The following MTAP variants were observed in gnomAD, a reference collection of about 807,000 sequenced individuals.
The protein encoded by MTAP is methylthioadenosine phosphorylase, also known as S-methyl-5'-thioadenosine phosphorylase.
Under a neutral mutation model 33.6 loss-of-function variants are expected in MTAP, and 33 were observed. The ratio of observed to expected loss-of-function variants is 0.98; its 90% CI spans 0.74 to 1.31. MTAP has a LOEUF of 1.31. Among genes scored for constraint, MTAP ranks in the 40% most tolerant of loss-of-function variants. The pLI is 0.00. For synonymous variants in MTAP, 148 were observed against 125.7 expected (o/e 1.18, Z -1.19); for missense variants, 367 against 360.0 (o/e 1.02, Z -0.16).
chr9:21,895,449 G>A (rs1587281263), intron 1 of MTAP, among the ~76,000 whole-genome samples: 1 of 152,194 alleles, frequency 6.6e-6, no homozygotes, highest in African/African-American at 2.4e-5. Context: ...TCCAACTGAG[G>A]TACCGGGTTC....
chr9:21,925,420 T>C (rs927717988), intron 1 of MTAP, among the ~76,000 whole-genome samples: 1 of 152,182 alleles, frequency 6.6e-6, no homozygotes, highest in African/African-American at 2.4e-5. Flanking sequence ...TAGCTTCCTC[T>C]GTCTTTTACA....
chr9:21,911,499 G>T (rs566477663), intron 1 of MTAP, among the ~76,000 whole-genome samples: 1 of 152,278 alleles, frequency 6.6e-6, no homozygotes, highest in African/African-American at 2.4e-5. Flanking sequence ...TCAACTACAT[G>T]TAAACTGAAG....
chr9:21,873,170 G>A (rs965719494), intron 1 of MTAP, among the ~76,000 whole-genome samples: 1 of 151,740 alleles, frequency 6.6e-6, no homozygotes, highest in African/African-American at 2.4e-5. Context: ...GTTTTAAGTT[G>A]GAAAAAAAAG....
intron 1 of MTAP, among the ~76,000 whole-genome samples, chr9:21,900,800 AAG>A (rs1818379222): frequency 1.3e-5 from 2 of 152,362 alleles, no homozygotes; most frequent in Admixed American, 1.3e-4. Context: ...GGTAAAGAAA[AAG>A]AGGTAAATAT....
chr9:21,910,381 T>C (rs896801452), intron 1 of MTAP, among the ~76,000 whole-genome samples: 3 of 151,780 alleles, frequency 2.0e-5, no homozygotes, highest in African/African-American at 7.3e-5. Context: ...ATAAAACTAG[T>C]GTAGGTAAGT....
At chr9:21,932,714 C>T (rs1334317061), downstream of MTAP, 3 of 152,162 alleles carry the variant, frequency 2.0e-5, no homozygotes, top group Non-Finnish European at 2.9e-5. Flanking sequence ...TTTCAAATTT[C>T]CGGGGAAGCT....
downstream of MTAP, among the ~76,000 whole-genome samples, chr9:21,868,965 T>G (rs1825895655): frequency 6.6e-6 from 1 of 152,200 alleles, no homozygotes; most frequent in African/African-American, 2.4e-5. Flanking sequence ...CTTTGAGAAC[T>G]ACTGTCATAG....
intron 1 of MTAP, among the ~76,000 whole-genome samples, chr9:21,880,439 T>C (rs977254439): frequency 6.6e-6 from 1 of 152,082 alleles, no homozygotes; most frequent in Non-Finnish European, 1.5e-5. Flanking sequence ...GCCATCTAGA[T>C]TGGAAAGGAA....
At chr9:21,803,080 C>T (rs918936368) in intron 1 of MTAP, 2 of 731,910 alleles carry the variant, frequency 2.7e-6, no homozygotes, top group Non-Finnish European at 4.0e-6. Context: ...AGGGCGTAGG[C>T]ACCCCTTTAG....
chr9:21,816,046 C>T (rs528595956), intron 2 of MTAP, among the ~76,000 whole-genome samples: 1 of 152,242 alleles, frequency 6.6e-6, no homozygotes, highest in Admixed American at 6.5e-5. Flanking sequence ...TCTCCAAGCC[C>T]ATGTCACTCA....
intron 1 of MTAP, among the ~76,000 whole-genome samples, chr9:21,923,848 G>C (rs10124816): frequency 0.11 from 17,158 of 152,100 alleles, 3,135 homozygotes; most frequent in African/African-American, 0.39. Context: ...CCAGAATGCT[G>C]TGAGTAAGAG....
At position 21,907,383 on chromosome 9, in the gene MTAP, C is replaced by A. The variant is rs371659112; in HGVS notation, c.148-23625C>A. ...ACCAGCCTAGCCAACATGGCAACAA[C>A]CCATCTCTACAAAAACCTACAAAAA... On this transcript the variant is annotated intron_variant, in intron 1 of 1. Transcript: ENST00000577563. 2.6e-5 allele frequency among the ~76,000 whole-genome samples: 4 copies of A among 152,314 alleles called. No homozygotes were observed. In the East Asian group the frequency reaches 7.7e-4, roughly 29 times the overall value.
At chr9:21,912,383 A>G (rs1219748798) in intron 1 of MTAP, among the ~76,000 whole-genome samples, 2 of 152,234 alleles carry the variant, frequency 1.3e-5, no homozygotes, top group African/African-American at 2.4e-5. Context: ...AAAATCCTCA[A>G]TAAAATACTG....
downstream of MTAP, among the ~76,000 whole-genome samples, chr9:21,938,615 A>T (rs1464415710): frequency 6.6e-6 from 1 of 152,178 alleles, no homozygotes; most frequent in Non-Finnish European, 1.5e-5. Flanking sequence ...GTTATCAGTC[A>T]TAATTTTAGT....
At chr9:21,851,929 C>T (rs1825521815) in intron 5 of MTAP, among the ~76,000 whole-genome samples, 1 of 152,220 alleles carries the variant, frequency 6.6e-6, no homozygotes, top group African/African-American at 2.4e-5. Context: ...TGGACTGTCT[C>T]TCCTTGCTCC....
At chr9:21,904,092 C>T (rs553075265) in intron 1 of MTAP, among the ~76,000 whole-genome samples, 5 of 152,282 alleles carry the variant, frequency 3.3e-5, no homozygotes, top group South Asian at 2.1e-4. Flanking sequence ...GCAGCCTGGG[C>T]GGCCTGGGCT....
intron 4 of MTAP, among the ~76,000 whole-genome samples, chr9:21,829,417 GT>G (rs5896953): frequency 0.59 from 85,500 of 144,988 alleles, 25,410 homozygotes; most frequent in African/African-American, 0.73. Flanking sequence ...TTCTTTTGTT[GT>G]TTTTTTTTTT....
At chr9:21,881,826 A>C (rs1049627425) in intron 1 of MTAP, among the ~76,000 whole-genome samples, 1 of 152,150 alleles carries the variant, frequency 6.6e-6, no homozygotes, top group East Asian at 1.9e-4. Flanking sequence ...GGGTTTTCTC[A>C]AAAATTAAAA....
At chr9:21,856,735 C>T (rs1282326276) in intron 6 of MTAP, among the ~76,000 whole-genome samples, 1 of 152,194 alleles carries the variant, frequency 6.6e-6, no homozygotes, top group African/African-American at 2.4e-5. Flanking sequence ...GTGTTAAATG[C>T]TACAAGGAAG....
Sources: gnomAD v4.1 joint callset for allele counts (sites outside exome capture counted in the v4.1 genomes callset) on GRCh38, gnomAD v4.1.1 for gene constraint, MANE v1.5 for transcripts, NCBI Gene and HGNC (gene_info 2026-07-23, HGNC 2026-07-21) for gene names.